SAXO1: variants seen among roughly 807,000 people sequenced by gnomAD.
SAXO1 encodes stabilizer of axonemal microtubules 1, also known as 4930500O09Rik.
In SAXO1, 21 loss-of-function variants were observed where a neutral mutation model predicts 17.5. The ratio of observed to expected loss-of-function variants is 1.20; its 90% CI spans 0.85 to 1.72. The LOEUF is 1.72. SAXO1 is among the 40% of genes most tolerant of loss of function. SAXO1 has a pLI of 0.00. For missense variants in SAXO1, 843 were observed against 596.0 expected (o/e 1.41, Z -4.32); for synonymous variants, 274 against 216.5 (o/e 1.27, Z -2.33).
intron 1 of SAXO1, among the ~76,000 whole-genome samples, chr9:18,953,396 C>T (rs1361170029): frequency 6.6e-6 from 1 of 152,094 alleles, no homozygotes; most frequent in Non-Finnish European, 1.5e-5. Flanking sequence ...CAATATACTG[C>T]AATATGATTG....
intron 1 of SAXO1, among the ~76,000 whole-genome samples, chr9:19,024,272 T>C (rs1302192351): frequency 6.6e-6 from 1 of 151,870 alleles, no homozygotes; most frequent in Non-Finnish European, 1.5e-5. Context: ...AACCCCAACA[T>C]ACCCTTTCCT....
chr9:18,957,144 C>G (rs1251648417), intron 1 of SAXO1, among the ~76,000 whole-genome samples: 1 of 152,186 alleles, frequency 6.6e-6, no homozygotes, highest in African/African-American at 2.4e-5. Context: ...CAGAGTCTTC[C>G]AAGACATCCT....
intron 1 of SAXO1, among the ~76,000 whole-genome samples, chr9:19,013,829 G>A (rs1046836834): frequency 1.3e-5 from 2 of 152,126 alleles, no homozygotes; most frequent in South Asian, 2.1e-4. Flanking sequence ...TTACAGGTGT[G>A]AGGCGCCACG....
intron 2 of SAXO1, 104 bp from the exon 3 acceptor site, chr9:18,941,943 T>C (rs965959459): frequency 9.4e-7 from 1 of 1,061,080 alleles, no homozygotes; most frequent in South Asian, 1.4e-5. Flanking sequence ...AGTCCTGTTC[T>C]ACTCTACCTG....
intron 1 of SAXO1, among the ~76,000 whole-genome samples, chr9:19,006,780 T>A (rs1332376062): frequency 6.6e-6 from 1 of 152,206 alleles, no homozygotes; most frequent in Non-Finnish European, 1.5e-5. Context: ...GTGTGGTGGC[T>A]CATGCCTATA....
chr9:18,927,911 A>G lies in SAXO1; in HGVS notation c.*141T>C, dbSNP rs1171409679. 2.2e-5 allele frequency: 19 copies of G among 874,166 alleles called. No individual in the cohort carries two copies. The highest frequency in any genetic ancestry group is 2.7e-5 in the Non-Finnish European group (16 of 589,468). The allele number at this position is 874,166 out of a possible 1,614,324, so 54.2% of individuals were successfully genotyped here. A position where few individuals can be genotyped will look rare whatever the true frequency, so the allele number is the denominator to read the frequency against. On this transcript the variant is annotated 3_prime_UTR_variant, in exon 4 of 4. Coordinates refer to ENST00000380534, the MANE Select transcript of SAXO1 (RefSeq NM_153707.4). ...CCCTGAGTCAAGTGATTCTCATTTT[A>G]TTCAAGTGCTCTGGAAGTGGTGAAG...
intron 1 of SAXO1, among the ~76,000 whole-genome samples, chr9:19,013,166 A>T (rs986906944): frequency 6.6e-6 from 1 of 152,150 alleles, no homozygotes; most frequent in Non-Finnish European, 1.5e-5. Flanking sequence ...GACTAAATAC[A>T]CTTGATCTTA....
chr9:19,044,084 G>T (rs1448760809), intron 1 of SAXO1, among the ~76,000 whole-genome samples: 5 of 151,420 alleles, frequency 3.3e-5, no homozygotes, highest in Non-Finnish European at 7.4e-5. Flanking sequence ...GGTAGAGGCT[G>T]CAGTGTGTCA....
intron 1 of SAXO1, among the ~76,000 whole-genome samples, chr9:18,974,598 C>G (rs1833063272): frequency 6.6e-6 from 1 of 152,232 alleles, no homozygotes; most frequent in East Asian, 1.9e-4. Context: ...TGGGAGCCAA[C>G]TGGAAGGAGC....
intron 3 of SAXO1, among the ~76,000 whole-genome samples, chr9:18,939,149 C>T (rs1257894515): frequency 6.6e-6 from 1 of 152,176 alleles, no homozygotes; most frequent in Non-Finnish European, 1.5e-5. Context: ...ATCACAGTCC[C>T]TTATTCCCTC....
At chr9:18,932,150 C>A (rs1440483024) in intron 3 of SAXO1, among the ~76,000 whole-genome samples, 1 of 152,188 alleles carries the variant, frequency 6.6e-6, no homozygotes, top group Non-Finnish European at 1.5e-5. Context: ...AGATTTTTCT[C>A]CCATGTTTTA....
chr9:19,001,931 C>T lies in SAXO1; in HGVS notation c.38+30940G>A, dbSNP rs188138835. Among the ~76,000 whole-genome samples the T allele has an allele frequency of 3.3e-5, 5 of 152,102 alleles. No homozygotes were observed. The East Asian group carries it at 9.7e-4, about 29-fold the overall frequency. On this transcript the variant is annotated intron_variant, in intron 1 of 3. Transcript: ENST00000380534. ...GAAGGAGATAGAGACACAAAAAACC[C>T]TTCAAAAAAATCAATGAATCCAGGA...
intron 3 of SAXO1, among the ~76,000 whole-genome samples, chr9:18,936,887 G>C (rs73427240): frequency 0.036 from 5,518 of 152,234 alleles, 328 homozygotes; most frequent in African/African-American, 0.12. Context: ...TGGTTTTCTG[G>C]ACCCCAGTAA....
At chr9:18,999,895 A>G (rs1834181721) in intron 1 of SAXO1, among the ~76,000 whole-genome samples, 1 of 138,498 alleles carries the variant, frequency 7.2e-6, no homozygotes, top group Admixed American at 7.2e-5. Context: ...CAGCCGCCCC[A>G]CCATCTGGGA....
chr9:18,946,918 G>C (rs1404121989), intron 2 of SAXO1, among the ~76,000 whole-genome samples: 1 of 152,190 alleles, frequency 6.6e-6, no homozygotes, highest in Non-Finnish European at 1.5e-5. Flanking sequence ...AAAACTTGAA[G>C]TTGAAACTAG....
At chr9:18,972,011 G>A (rs1374336696) in intron 1 of SAXO1, among the ~76,000 whole-genome samples, 4 of 152,150 alleles carry the variant, frequency 2.6e-5, no homozygotes, top group African/African-American at 9.7e-5. Flanking sequence ...AAAGAACCAC[G>A]CTGGAAAAAT....
chr9:18,987,602 C>T (rs1016351554), intron 1 of SAXO1, among the ~76,000 whole-genome samples: 9 of 152,048 alleles, frequency 5.9e-5, no homozygotes, highest in Non-Finnish European at 8.8e-5. Flanking sequence ...AGCAAAAACT[C>T]GATTCTCTTC....
At chr9:19,048,185 G>A (rs945274033) in intron 1 of SAXO1, among the ~76,000 whole-genome samples, 1 of 152,208 alleles carries the variant, frequency 6.6e-6, no homozygotes, top group East Asian at 1.9e-4. Context: ...AGGGCTTTAG[G>A]CCAGGCACGG....
At chr9:18,975,796 C>A (rs1588466667) in intron 1 of SAXO1, among the ~76,000 whole-genome samples, 1 of 152,130 alleles carries the variant, frequency 6.6e-6, no homozygotes, top group African/African-American at 2.4e-5. Context: ...CATTCTTCGA[C>A]CAAGAAAACC....
Sources: allele counts gnomAD v4.1 joint callset (sites outside exome capture counted in the v4.1 genomes callset), GRCh38; gene constraint gnomAD v4.1.1; transcripts MANE v1.5; gene names NCBI Gene and HGNC (gene_info 2026-07-23, HGNC 2026-07-21).